The following FRYL variants were observed in gnomAD, a reference collection of about 807,000 sequenced individuals.
FRYL encodes protein furry homolog-like.
A neutral mutation model predicts 351.2 loss-of-function variants in FRYL; 150 were observed. The observed-to-expected ratio is 0.43, with a 90% CI of 0.37 to 0.49. FRYL has a LOEUF of 0.49. Ranked by LOEUF, FRYL falls within the 20% of genes least tolerant of loss-of-function variation. The pLI is 0.00. For synonymous variants in FRYL, 1,153 were observed against 1,257.1 expected (o/e 0.92, Z 1.75); for missense variants, 3,036 against 3,619.3 (o/e 0.84, Z 4.13).
In FRYL at chr4:48,710,584, C is replaced by T; in HGVS notation, c.-269G>A. The stretch of plus-strand genomic sequence containing the variant: ...GACACCAAGTTTGGAAAGGATCCAT[C>T]TAGAAGCTTTTTTGATCTGGAGCTT... On this transcript the variant is annotated 5_prime_UTR_variant, in exon 2 of 64. Transcript: ENST00000358350. 2.5e-6 allele frequency: 1 copy of T among 398,622 alleles called. No individual in the cohort carries two copies. Among genetic ancestry groups the T allele is most frequent in the Non-Finnish European group, 4.4e-6 (1 of 226,064 alleles). The allele number at this position is 398,622 out of a possible 1,614,324, so 24.7% of individuals were successfully genotyped here.
chr4:48,640,451 A>G (rs1755099890), intron 3 of FRYL, among the ~76,000 whole-genome samples: 1 of 152,196 alleles, frequency 6.6e-6, no homozygotes, highest in Non-Finnish European at 1.5e-5. Flanking sequence ...ACATTCTGGA[A>G]AAGACTGTAG....
chr4:48,540,008 G>A lies in FRYL; in HGVS notation c.6356C>T (p.Thr2119Ile), dbSNP rs1338896517. 2.5e-6 allele frequency: 4 copies of A among 1,613,116 alleles called. No homozygotes were observed. The highest frequency in any genetic ancestry group is 2.5e-6 in the Non-Finnish European group (3 of 1,179,608). ...ACTAGCTGTTTCTTTGCAAAACTGA[G>A]TTGGGCTGTCAAAATGCTGGATTAA... ...PHLIQHFDSP[T>I]QFCKETASRI... The change falls in exon 47 of 64, where the codon ACT (threonine) becomes ATT (isoleucine). Residue 2119 changes from threonine to isoleucine, a missense_variant. By Grantham distance (89) the Thr-to-Ile change is moderately conservative (BLOSUM62 -1). Transcript: ENST00000358350.
intron 19 of FRYL, among the ~76,000 whole-genome samples, chr4:48,585,548 G>GT (rs796518091): frequency 6.6e-5 from 10 of 152,308 alleles, no homozygotes; most frequent in African/African-American, 2.4e-4. Flanking sequence ...CATTGTATTT[G>GT]TTTTTTTCAT....
At chr4:48,628,052 T>C (rs1752192129) in intron 4 of FRYL, among the ~76,000 whole-genome samples, 1 of 152,184 alleles carries the variant, frequency 6.6e-6, no homozygotes. Context: ...GTTACAGGCG[T>C]GAGCCACCAT....
intron 2 of FRYL, among the ~76,000 whole-genome samples, chr4:48,709,873 T>C (rs1018694991): frequency 1.3e-5 from 2 of 152,242 alleles, no homozygotes; most frequent in Non-Finnish European, 2.9e-5. Context: ...ATGCTAAATG[T>C]CATTATATAT....
chr4:48,561,742 G>A (rs1184286685), intron 32 of FRYL, 106 bp from the exon 33 acceptor site: 2 of 853,384 alleles, frequency 2.3e-6, no homozygotes, highest in East Asian at 5.4e-5. Context: ...CAGCTGAGTG[G>A]AGTGGCTTAT....
intron 2 of FRYL, among the ~76,000 whole-genome samples, chr4:48,687,568 A>C (rs1765280752): frequency 1.3e-5 from 2 of 151,730 alleles, no homozygotes; most frequent in African/African-American, 4.8e-5. Flanking sequence ...AAGAAAGCTG[A>C]ATGGGTGTTC....
At chr4:48,710,820 A>T in intron 1 of FRYL, 122 bp from the exon 2 acceptor site, 1 of 378,328 alleles carries the variant, frequency 2.6e-6, no homozygotes, top group East Asian at 3.8e-5. Flanking sequence ...AAGGTGAAAC[A>T]TCATCCAGTA....
chr4:48,705,136 T>C (rs1488882659), intron 2 of FRYL, among the ~76,000 whole-genome samples: 1 of 151,788 alleles, frequency 6.6e-6, no homozygotes. Flanking sequence ...AAATAAACAC[T>C]GCATTCTCAT....
chr4:48,729,964 G>T (rs965033138), intron 1 of FRYL, among the ~76,000 whole-genome samples: 1 of 152,134 alleles, frequency 6.6e-6, no homozygotes, highest in Non-Finnish European at 1.5e-5. Context: ...CTAACCCATC[G>T]CAAGGAAGCT....
At chr4:48,517,269 A>G (rs997063449) in intron 55 of FRYL, among the ~76,000 whole-genome samples, 4 of 152,234 alleles carry the variant, frequency 2.6e-5, no homozygotes, top group African/African-American at 7.2e-5. Flanking sequence ...CAACATGAAC[A>G]TACTATGTTA....
chr4:48,546,422 C>T, intron 41 of FRYL, 151 bp from the exon 42 acceptor site: 1 of 642,250 alleles, frequency 1.6e-6, no homozygotes, highest in Non-Finnish European at 2.7e-6. Context: ...TGCTGATCCT[C>T]ATGAACACCA....
In FRYL at chr4:48,728,545, G is replaced by A. The variant is rs188418117; in HGVS notation, c.-383-17847C>T. On this transcript the variant is annotated intron_variant, in intron 1 of 63. Coordinates refer to ENST00000358350, the MANE Select transcript of FRYL (RefSeq NM_015030.2). ...CAGGAAGTTAAGAGAACACCAAGCA[G>A]GAGAGATGCTGAAAAAACAAAAAAA... Among the ~76,000 whole-genome samples the A allele has an allele frequency of 8.6e-5, 13 of 152,032 alleles. No homozygotes were observed. In the East Asian group the frequency reaches 2.5e-3, roughly 29 times the overall value.
chr4:48,521,158 G>T lies in FRYL; in HGVS notation c.7579C>A (p.Gln2527Lys). The T allele has an allele frequency of 6.2e-7, 1 of 1,613,394 alleles. No homozygotes were observed. Among genetic ancestry groups the T allele is most frequent in the Non-Finnish European group, 8.5e-7 (1 of 1,179,502 alleles). The change falls in exon 55 of 64, where the codon CAG becomes AAG. Residue 2527 changes from glutamine (Q) to lysine (K), a missense_variant. Physicochemically the swap from Gln to Lys is moderately conservative, Grantham distance 53. Transcript: ENST00000358350. ...ATGCTGCCAGTGGAATCTTCAGACT[G>T]GAGAAGTAAGTCAGGATGGTCTGGT... ...TIPDHPDLLL[Q>K]SEDSTGSITT...
intron 3 of FRYL, among the ~76,000 whole-genome samples, chr4:48,651,436 T>C (rs1486137352): frequency 6.6e-6 from 1 of 151,544 alleles, no homozygotes; most frequent in Non-Finnish European, 1.5e-5. Flanking sequence ...CCTCCCAAAG[T>C]ACTAGGACTA....
intron 55 of FRYL, among the ~76,000 whole-genome samples, chr4:48,515,779 T>A (rs960367629): frequency 1.3e-5 from 2 of 152,170 alleles, no homozygotes; most frequent in African/African-American, 4.8e-5. Flanking sequence ...CATTGAGGAC[T>A]TTTTTTCTCT....
At chr4:48,688,808 G>A (rs766458083) in intron 2 of FRYL, among the ~76,000 whole-genome samples, 7 of 151,736 alleles carry the variant, frequency 4.6e-5, no homozygotes, top group African/African-American at 9.7e-5. Context: ...GATTACAGGC[G>A]TGTGCCACCA....
intron 3 of FRYL, among the ~76,000 whole-genome samples, chr4:48,652,156 C>T (rs1288399812): frequency 6.6e-6 from 1 of 152,188 alleles, no homozygotes; most frequent in Non-Finnish European, 1.5e-5. Context: ...CAACGACATG[C>T]AGAAATATTT....
At chr4:48,744,295 G>T (rs190226063) in intron 1 of FRYL, among the ~76,000 whole-genome samples, 2 of 152,178 alleles carry the variant, frequency 1.3e-5, no homozygotes, top group Admixed American at 1.3e-4. Context: ...GAATTTTATG[G>T]TATATGAATT....
Sources: allele counts gnomAD v4.1 joint callset (sites outside exome capture counted in the v4.1 genomes callset), GRCh38; gene constraint gnomAD v4.1.1; transcripts MANE v1.5; gene names NCBI Gene and HGNC (gene_info 2026-07-23, HGNC 2026-07-21).